SLC25A21: variants seen among roughly 807,000 people sequenced by gnomAD.
The protein encoded by SLC25A21 is solute carrier family 25 member 21.
Under a neutral mutation model 43.8 loss-of-function variants are expected in SLC25A21, and 47 were observed. That is an observed-to-expected ratio of 1.07 (90% CI 0.85 to 1.37). SLC25A21 has a LOEUF of 1.37. Ranked by LOEUF, SLC25A21 falls within the 40% of genes most tolerant of loss-of-function variation. The pLI is 0.00. For missense variants in SLC25A21, 352 were observed against 350.2 expected, an observed-to-expected ratio of 1.00 and a Z score of -0.04; for synonymous variants, 131 against 121.3, an observed-to-expected ratio of 1.08 and a Z score of -0.52.
intron 1 of SLC25A21, among the ~76,000 whole-genome samples, chr14:36,992,916 TC>T (rs1960295235): frequency 6.6e-6 from 1 of 152,154 alleles, no homozygotes; most frequent in South Asian, 2.1e-4. Flanking sequence ...AAGGAATGTT[TC>T]CCTTTGTAAA....
chr14:36,705,233 G>A (rs1453122739), intron 7 of SLC25A21, among the ~76,000 whole-genome samples: 1 of 151,348 alleles, frequency 6.6e-6, no homozygotes, highest in African/African-American at 2.4e-5. Context: ...TTTTAGTAGA[G>A]ACAGGGCTTC....
At chr14:36,969,018 T>C (rs1032335783) in intron 1 of SLC25A21, among the ~76,000 whole-genome samples, 1 of 152,252 alleles carries the variant, frequency 6.6e-6, no homozygotes, top group South Asian at 2.1e-4. Flanking sequence ...GGCTTTAATT[T>C]TTTAATTATG....
intron 3 of SLC25A21, among the ~76,000 whole-genome samples, chr14:36,749,240 T>G (rs2139255849): frequency 6.6e-6 from 1 of 152,332 alleles, no homozygotes; most frequent in African/African-American, 2.4e-5. Context: ...TCGCGAATCG[T>G]TCTTTGCTCA....
At chr14:36,929,043 T>C (rs879861006) in intron 1 of SLC25A21, among the ~76,000 whole-genome samples, 4 of 152,134 alleles carry the variant, frequency 2.6e-5, no homozygotes, top group Non-Finnish European at 5.9e-5. Flanking sequence ...GACTCCATTG[T>C]GATATAAGGA....
chr14:37,004,645 T>A (rs1029991763), intron 1 of SLC25A21, among the ~76,000 whole-genome samples: 5 of 152,142 alleles, frequency 3.3e-5, no homozygotes, highest in Non-Finnish European at 7.4e-5. Flanking sequence ...ACCTCCTGCA[T>A]CAGGTGTGAG....
At position 37,094,312 on chromosome 14, in the gene SLC25A21, A is replaced by G. The variant is rs112813616; in HGVS notation, c.70+77969T>C. 2.0e-5 allele frequency among the ~76,000 whole-genome samples: 3 copies of G among 152,328 alleles called. 1 individual carries two copies. The highest frequency in any genetic ancestry group is 7.2e-5 in the African/African-American group (3 of 41,582). On this transcript the variant is annotated intron_variant, in intron 1 of 9. Coordinates refer to ENST00000331299, the MANE Select transcript of SLC25A21 (RefSeq NM_030631.4). ...AGACTAGTAGCATAGCAACAATCAG[A>G]CACAAAAAGGTGCCTTACACACCAG... is the stretch of plus-strand genomic sequence containing the variant.
At chr14:36,809,340 T>C (rs546054143) in intron 3 of SLC25A21, among the ~76,000 whole-genome samples, 16 of 152,296 alleles carry the variant, frequency 1.1e-4, no homozygotes, top group African/African-American at 3.6e-4. Flanking sequence ...CAGAAAACAG[T>C]GTCTTTTGTA....
intron 3 of SLC25A21, among the ~76,000 whole-genome samples, chr14:36,789,889 AT>A (rs1335351054): frequency 2.5e-5 from 3 of 117,744 alleles, no homozygotes; most frequent in Non-Finnish European, 5.0e-5. Flanking sequence ...TTTATATAAA[AT>A]ATATATTATA....
At chr14:37,046,015 T>A (rs534941226) in intron 1 of SLC25A21, among the ~76,000 whole-genome samples, 1 of 152,330 alleles carries the variant, frequency 6.6e-6, no homozygotes, top group Non-Finnish European at 1.5e-5. Flanking sequence ...TTACATAAGT[T>A]AACTTGCAGA....
intron 1 of SLC25A21, among the ~76,000 whole-genome samples, chr14:37,126,302 T>C (rs1436615184): frequency 6.6e-6 from 1 of 152,096 alleles, no homozygotes; most frequent in Non-Finnish European, 1.5e-5. Flanking sequence ...TTGACAATAT[T>C]GGTGATTTAC....
At chr14:36,866,911 C>G (rs528525000) in intron 2 of SLC25A21, among the ~76,000 whole-genome samples, 3 of 152,164 alleles carry the variant, frequency 2.0e-5, no homozygotes, top group Non-Finnish European at 2.9e-5. Context: ...ACCTATGAGG[C>G]TAAATAGGAT....
chr14:37,162,591 A>T (rs1286475632), intron 1 of SLC25A21, among the ~76,000 whole-genome samples: 1 of 152,216 alleles, frequency 6.6e-6, no homozygotes, highest in Non-Finnish European at 1.5e-5. Context: ...CCACAATGAG[A>T]TACCATCTCA....
intron 1 of SLC25A21, among the ~76,000 whole-genome samples, chr14:37,149,316 T>C (rs1963719226): frequency 6.6e-6 from 1 of 152,168 alleles, no homozygotes; most frequent in East Asian, 1.9e-4. Flanking sequence ...TCTTGATGCT[T>C]TATGAGGCAA....
At chr14:36,914,478 T>G (rs1891776324) in intron 1 of SLC25A21, among the ~76,000 whole-genome samples, 1 of 152,226 alleles carries the variant, frequency 6.6e-6, no homozygotes, top group African/African-American at 2.4e-5. Flanking sequence ...AGGAGACTTT[T>G]GTATTTTAAT....
intron 1 of SLC25A21, among the ~76,000 whole-genome samples, chr14:37,169,086 GT>G (rs1964078267): frequency 1.3e-5 from 2 of 152,152 alleles, no homozygotes; most frequent in Non-Finnish European, 1.5e-5. Flanking sequence ...CTACGTGGCT[GT>G]GGTTTAGAGG....
At chr14:36,724,749 T>C (rs1415708101) in intron 6 of SLC25A21, among the ~76,000 whole-genome samples, 2 of 152,158 alleles carry the variant, frequency 1.3e-5, no homozygotes, top group African/African-American at 4.8e-5. Flanking sequence ...ATTGTCCAAG[T>C]GCTCATTCAG....
chr14:36,842,912 G>A (rs146606656), intron 2 of SLC25A21, among the ~76,000 whole-genome samples: 2,171 of 152,224 alleles, frequency 0.014, 45 homozygotes, highest in African/African-American at 0.049. Context: ...ATATGGATGG[G>A]GTGGAGGGTG....
At chr14:36,976,893 C>G (rs891468413) in intron 1 of SLC25A21, among the ~76,000 whole-genome samples, 1 of 152,232 alleles carries the variant, frequency 6.6e-6, no homozygotes, top group Non-Finnish European at 1.5e-5. Context: ...TGGCTGGACA[C>G]AAGTCCTTGG....
rs1882009594 is a variant in SLC25A21 at position 36,678,393 on chromosome 14, G to GAGA, written c.*2262_*2264dup. ...TACAAATAGAGGATTATAACTTCAG[G>GAGA]AGAAGAATAAGCAGAAGGAGCAGAT... On this transcript the variant is annotated 3_prime_UTR_variant, in exon 10 of 10. Transcript: ENST00000331299. 2 of 1,099,956 alleles carry GAGA rather than the reference G, an allele frequency of 1.8e-6. No individual in the cohort carries two copies. The highest frequency in any genetic ancestry group is 2.7e-5 in the South Asian group (2 of 74,636). The allele number at this position is 1,099,956 out of a possible 1,614,324, so 68.1% of individuals were successfully genotyped here.
Sources: allele counts gnomAD v4.1 joint callset (sites outside exome capture counted in the v4.1 genomes callset), GRCh38; gene constraint gnomAD v4.1.1; transcripts MANE v1.5; gene names NCBI Gene and HGNC (gene_info 2026-07-23, HGNC 2026-07-21).